The following CATSPERT variants were observed in gnomAD, a reference collection of about 807,000 sequenced individuals.
The protein encoded by CATSPERT is cation channel sperm-associated targeting subunit tau.
At chr2:201,558,701 T>G in the CATSPERT span, among the ~76,000 whole-genome samples, 4 of 152,176 alleles carry the variant, frequency 2.6e-5, no homozygotes, top group Non-Finnish European at 5.9e-5. Flanking sequence ...TGCATTGCCC[T>G]GGATTAGGAA....
chr2:201,574,430 T>G, the CATSPERT span, among the ~76,000 whole-genome samples: 16 of 152,218 alleles, frequency 1.1e-4, no homozygotes, highest in Non-Finnish European at 2.2e-4. Context: ...AAGGAACTCC[T>G]ACAGAAGAAT....
chr2:201,545,076 C>T, the CATSPERT span, among the ~76,000 whole-genome samples: 806 of 152,126 alleles, frequency 5.3e-3, 9 homozygotes, highest in Non-Finnish European at 7.5e-3. Flanking sequence ...CTCACTCTGT[C>T]GCCCAGGCTG....
At chr2:201,509,308 T>C in the CATSPERT span, among the ~76,000 whole-genome samples, 7 of 151,004 alleles carry the variant, frequency 4.6e-5, no homozygotes, top group Non-Finnish European at 1.0e-4. Context: ...TGGAGAACTC[T>C]CCATTTTTTA....
chr2:201,598,519 A>G, the CATSPERT span, among the ~76,000 whole-genome samples: 1 of 152,116 alleles, frequency 6.6e-6, no homozygotes, highest in Non-Finnish European at 1.5e-5. Context: ...TTAGACTGCT[A>G]GAGACAGCAA....
the CATSPERT span, among the ~76,000 whole-genome samples, chr2:201,515,592 G>A: frequency 1.3e-5 from 2 of 152,168 alleles, no homozygotes; most frequent in African/African-American, 4.8e-5. Context: ...GGCATCACCT[G>A]TATCTTTGAG....
chr2:201,544,668 C>A, the CATSPERT span, among the ~76,000 whole-genome samples: 13 of 151,928 alleles, frequency 8.6e-5, no homozygotes, highest in Non-Finnish European at 1.8e-4. Flanking sequence ...AATATTTTAA[C>A]TTTTTTCTCA....
At chr2:201,544,838 AAT>A in the CATSPERT span, among the ~76,000 whole-genome samples, 48 of 137,286 alleles carry the variant, frequency 3.5e-4, 1 homozygote, top group South Asian at 4.9e-4. Context: ...AAAAAAAAAA[AAT>A]ACAAAAATTA....
the CATSPERT span, among the ~76,000 whole-genome samples, chr2:201,548,665 G>A: frequency 5.3e-5 from 8 of 152,128 alleles, no homozygotes; most frequent in Non-Finnish European, 8.8e-5. Flanking sequence ...ATGGAAGACA[G>A]GGAATGTTTC....
the CATSPERT span, among the ~76,000 whole-genome samples, chr2:201,542,189 A>G: frequency 2.6e-5 from 4 of 152,060 alleles, no homozygotes; most frequent in African/African-American, 9.7e-5. Flanking sequence ...AAATCACATG[A>G]CTTGCTTTAT....
At chr2:201,495,908 T>G in the CATSPERT span, 1 of 1,593,314 alleles carries the variant, frequency 6.3e-7, no homozygotes, top group Non-Finnish European at 8.6e-7. Context: ...AAATTTTGGT[T>G]TGAATTCTAT....
At chr2:201,521,457 G>GAGAC in the CATSPERT span, among the ~76,000 whole-genome samples, 7,036 of 150,754 alleles carry the variant, frequency 0.047, 438 homozygotes, top group East Asian at 0.23. Flanking sequence ...GAGAGAAAGA[G>GAGAC]ACACACAGAG....
the CATSPERT span, among the ~76,000 whole-genome samples, chr2:201,514,228 A>C: frequency 6.6e-6 from 1 of 152,162 alleles, no homozygotes; most frequent in East Asian, 1.9e-4. Flanking sequence ...AAAACTAGTA[A>C]CAACATTACA....
At chr2:201,611,123 GA>G in the CATSPERT span, among the ~76,000 whole-genome samples, 1 of 151,926 alleles carries the variant, frequency 6.6e-6, no homozygotes, top group Non-Finnish European at 1.5e-5. Flanking sequence ...AATCAGGCGA[GA>G]GAAAAAAAAT....
chr2:201,520,439 A>T, the CATSPERT span, among the ~76,000 whole-genome samples: 2 of 152,212 alleles, frequency 1.3e-5, no homozygotes, highest in Admixed American at 6.5e-5. Context: ...GTCTCAAAAA[A>T]TTTTCAAATT....
chr2:201,506,772 C>A, the CATSPERT span, among the ~76,000 whole-genome samples: 1 of 152,302 alleles, frequency 6.6e-6, no homozygotes, highest in East Asian at 1.9e-4. Context: ...CCGGGATGGT[C>A]TCGATCTCCT....
the CATSPERT span, chr2:201,575,339 A>T: frequency 1.9e-6 from 3 of 1,582,688 alleles, no homozygotes; most frequent in Non-Finnish European, 2.6e-6. Flanking sequence ...AGAAAAAAAA[A>T]TAAAAATTTT....
the CATSPERT span, among the ~76,000 whole-genome samples, chr2:201,520,469 T>G: frequency 6.6e-5 from 10 of 152,210 alleles, no homozygotes; most frequent in African/African-American, 2.4e-4. Context: ...ATCTAGTCTC[T>G]TATCTGACCA....
chr2:201,512,782 C>A, the CATSPERT span, among the ~76,000 whole-genome samples: 1 of 151,960 alleles, frequency 6.6e-6, no homozygotes, highest in African/African-American at 2.4e-5. Flanking sequence ...GTCTTAATTT[C>A]CCTGGAATAA....
the CATSPERT span, chr2:201,601,763 A>C: frequency 6.2e-7 from 1 of 1,611,692 alleles, no homozygotes; most frequent in South Asian, 1.1e-5. Context: ...ACTTCACTTC[A>C]TCGAACTTAA....
Sources: allele counts gnomAD v4.1 joint callset (sites outside exome capture counted in the v4.1 genomes callset), GRCh38; gene constraint gnomAD v4.1.1; transcripts MANE v1.5; gene names NCBI Gene and HGNC (gene_info 2026-07-23, HGNC 2026-07-21).